Variants in IL1A observed in about 807,000 individuals in gnomAD.
IL1A encodes the protein interleukin 1 alpha.
In IL1A, 16 loss-of-function variants were observed where a neutral mutation model predicts 22.2. That is an observed-to-expected ratio of 0.72 (90% confidence interval 0.49 to 1.09). The LOEUF (loss-of-function observed/expected upper bound fraction) is 1.09, where lower values mean the gene tolerates loss of function less well. IL1A is among the 50% of genes least tolerant of loss of function. The probability of loss-of-function intolerance (pLI) is 0.00; values close to 1 mark genes in which losing one functional copy is unlikely to be tolerated. For synonymous variants in IL1A, 113 were observed against 118.5 expected, an observed-to-expected ratio of 0.95 and a Z score of 0.30; for missense variants, 317 against 321.8, an observed-to-expected ratio of 0.99 and a Z score of 0.11.
At chr2:112,776,498 C>T (rs1681103790) in intron 6 of IL1A, among the ~76,000 whole-genome samples, 1 of 60,426 alleles carries the variant, frequency 1.7e-5, no homozygotes, top group Admixed American at 1.4e-4. Flanking sequence ...AACCACGACC[C>T]GCCCCCTCCT....
intron 2 of IL1A, among the ~76,000 whole-genome samples, chr2:112,783,256 ATATGTTCCGTAATTT>A (rs1681245390): frequency 6.6e-6 from 1 of 152,196 alleles, no homozygotes; most frequent in Non-Finnish European, 1.5e-5. Context: ...TGTTAGTTTA[ATATGTTCCGTAATTT>A]TATCTTTGTG....
At position 112,781,806 on chromosome 2, in the gene IL1A, G is replaced by T; in HGVS notation, c.117C>A (p.Ser39Arg). 1 of 1,613,476 alleles carries T rather than the reference G, an allele frequency of 6.2e-7. No homozygotes were observed. Among genetic ancestry groups the T allele is most frequent in the Non-Finnish European group, 8.5e-7 (1 of 1,179,346 alleles). Residue 39 changes from serine to arginine, a missense_variant, in exon 4 of 7, where the codon AGC becomes AGA. Transcript: ENST00000263339. ...SLNQKSFYHV[S>R]YGPLHEGCMD... ...TGCAGCCTTCATGGAGTGGGCCATA[G>T]CTTACATGATAGAAGGATTTCTGTG... is the stretch of plus-strand genomic sequence containing the variant.
chr2:112,780,232 A>G (rs940083096), intron 4 of IL1A, among the ~76,000 whole-genome samples: 2 of 152,194 alleles, frequency 1.3e-5, no homozygotes, highest in African/African-American at 4.8e-5. Flanking sequence ...AAATGTCCTC[A>G]ATACATTGCT....
intron 5 of IL1A, 22 bp from the exon 6 acceptor site, chr2:112,778,133 A>G (rs369682943): frequency 1.4e-4 from 227 of 1,607,258 alleles, no homozygotes; most frequent in Middle Eastern, 8.3e-4. Context: ...AAGAACCAAA[A>G]AGAAAGTAAA....
chr2:112,782,720 T>A lies in IL1A; in HGVS notation c.92A>T (p.Asn31Ile). ...GAATTACAGTCATTTGCTTACCTGA[T>A]TCAGAGACAGATGATCAATGGAGGA... ...DSSSIDHLSL[N>I]QKSFYHVSYG... The change falls in exon 3 of 7, where the codon AAT (asparagine) becomes ATT (isoleucine). Residue 31 changes from asparagine to isoleucine, a missense_variant. Physicochemically the swap from Asn to Ile is moderately radical, Grantham distance 149. Coordinates refer to ENST00000263339, the MANE Select transcript of IL1A (RefSeq NM_000575.5). 6.2e-7 allele frequency: 1 copy of A among 1,604,508 alleles called. No individual in the cohort carries two copies. Among genetic ancestry groups the A allele is most frequent in the East Asian group, 2.2e-5 (1 of 44,834 alleles).
chr2:112,783,621 C>A (rs1681251641), intron 2 of IL1A, 103 bp downstream of exon 2: 3 of 927,888 alleles, frequency 3.2e-6, no homozygotes, highest in African/African-American at 3.2e-5. Context: ...ATCTCTACAA[C>A]CTCTGCCGGC....
rs3074430 is a variant in IL1A, at chr2:112,778,193, G to GGTGTGTGTGTGTGTGT, written c.491-98_491-83dup. The stretch of plus-strand genomic sequence containing the variant: ...GTGTTGATGTAGATTGTGTGTGCAT[G>GGTGTGTGTGTGTGTGT]GTGTGTGTGTGTGTGTGTGTGTGTG... On this transcript the variant is annotated intron_variant, in intron 5 of 6. Coordinates refer to ENST00000263339, the MANE Select transcript of IL1A (RefSeq NM_000575.5). 128 of 662,742 alleles carry GGTGTGTGTGTGTGTGT rather than the reference G, an allele frequency of 1.9e-4. No individual in the cohort carries two copies. The African/African-American group carries it at 2.4e-3, about 12-fold the overall frequency. 41.1% of individuals were successfully genotyped at this position (662,742 alleles called of 1,614,324 possible). A position where few individuals can be genotyped will look rare whatever the true frequency, so the allele number is the denominator to read the frequency against.
Position 112,778,174 on chromosome 2 carries a change from A to G in IL1A, c.491-63T>C, listed in dbSNP as rs1681132281. The stretch of plus-strand genomic sequence containing the variant: ...TGTATTTGTATAAAATCAAGTGTTG[A>G]TGTAGATTGTGTGTGCATGGTGTGT... On this transcript the variant is annotated intron_variant, in intron 5 of 6. Coordinates refer to ENST00000263339, the MANE Select transcript of IL1A (RefSeq NM_000575.5). The G allele has an allele frequency of 5.1e-6, 7 of 1,382,752 alleles. No homozygotes were observed. The Admixed American group carries it at 1.1e-4, about 21-fold the overall frequency. 85.7% of individuals were successfully genotyped at this position (1,382,752 alleles called of 1,614,324 possible).
At chr2:112,778,193 G>GGGGT (rs372255976) in intron 5 of IL1A, 82 bp from the exon 6 acceptor site, 1 of 631,412 alleles carries the variant, frequency 1.6e-6, no homozygotes, top group African/African-American at 2.0e-5. Context: ...GTGTGTGCAT[G>GGGGT]GTGTGTGTGT....
chr2:112,774,039 A>G lies in IL1A; in HGVS notation c.*1028T>C, dbSNP rs1011331538. The stretch of plus-strand genomic sequence containing the variant: ...TTTTTAGAACCTAGAAGAAACATTG[A>G]TTACATTCCAGAAAAGAAAGTTTTG... On this transcript the variant is annotated 3_prime_UTR_variant, in exon 7 of 7. Coordinates refer to ENST00000263339, the MANE Select transcript of IL1A (RefSeq NM_000575.5). The G allele has an allele frequency of 3.9e-5, 6 of 152,200 alleles. No homozygotes were observed. In the East Asian group the frequency reaches 5.8e-4, roughly 15 times the overall value. 9.4% of individuals were successfully genotyped at this position (152,200 alleles called of 1,614,324 possible).
At position 112,778,023 on chromosome 2, in the gene IL1A, C is replaced by G; in HGVS notation, c.579G>C (p.Val193=). The change falls in exon 6 of 7, where the codon GTG becomes GTC. Residue 193 remains valine (V), a synonymous_variant. Transcript: ENST00000263339. ...ILRISKTQLY[V]TAQDEDQPVL... ...CTGGTTGGTCTTCATCTTGGGCAGT[C>G]ACATACAATTGAGTTTTTGAGATTC... 6.2e-7 allele frequency: 1 copy of G among 1,614,198 alleles called. No individual in the cohort carries two copies. The highest frequency in any genetic ancestry group is 8.5e-7 in the Non-Finnish European group (1 of 1,180,032).
Position 112,781,669 on chromosome 2 carries a change from C to T in IL1A, c.254G>A (p.Arg85Gln), listed in dbSNP as rs3783531. The part of the protein sequence containing the change: ...ATNGKVLKKR[R>Q]LSLSQSITDD... ...AGTGATGGATTGGCTTAAACTCAAC[C>T]GTCTCTTCTTCAGAACCTTCCCGTT... Residue 85 changes from arginine to glutamine, a missense_variant, in exon 4 of 7, where the codon CGG (arginine) becomes CAG (glutamine). Coordinates refer to ENST00000263339, the MANE Select transcript of IL1A (RefSeq NM_000575.5). The T allele has an allele frequency of 2.3e-3, 3,774 of 1,614,206 alleles. 7 individuals are homozygous for T. The highest frequency in any genetic ancestry group is 3.0e-3 in the Non-Finnish European group (3,569 of 1,180,034).
intron 4 of IL1A, among the ~76,000 whole-genome samples, chr2:112,780,763 C>T (rs1489264230): frequency 1.3e-5 from 2 of 152,048 alleles, no homozygotes; most frequent in East Asian, 1.9e-4. Flanking sequence ...ATAGGCCGGG[C>T]GCGGTGGCTC....
At chr2:112,778,165 C>A in intron 5 of IL1A, 54 bp from the exon 6 acceptor site, 2 of 1,474,976 alleles carry the variant, frequency 1.4e-6, no homozygotes, top group South Asian at 2.4e-5. Context: ...TGTATAAAAT[C>A]AAGTGTTGAT....
chr2:112,784,155 T>C (rs1681260980), intron 1 of IL1A, among the ~76,000 whole-genome samples: 1 of 152,202 alleles, frequency 6.6e-6, no homozygotes, highest in Non-Finnish European at 1.5e-5. Flanking sequence ...CCTAATAATT[T>C]TGGATAGTAG....
intron 6 of IL1A, among the ~76,000 whole-genome samples, chr2:112,777,457 G>A (rs767137165): frequency 1.2e-4 from 19 of 152,192 alleles, no homozygotes; most frequent in Non-Finnish European, 2.4e-4. Flanking sequence ...GTGTGTGTGT[G>A]TGTTTGAGGG....
intron 5 of IL1A, 74 bp downstream of exon 5, chr2:112,779,412 TGCAAGCAGAA>T: frequency 8.5e-7 from 1 of 1,175,616 alleles, no homozygotes; most frequent in Non-Finnish European, 1.2e-6. Context: ...GTATGTTTTT[TGCAAGCAGAA>T]AGATTGAAAT....
Position 112,781,835 on chromosome 2 carries a change from A to G in IL1A, c.97-9T>C. ...ACATGATAGAAGGATTTCTGTGAGG[A>G]AGGAAAACAGAAGCTGAGAGGCTGT... On this transcript the variant is annotated splice_polypyrimidine_tract_variant and intron_variant, in intron 3 of 6. Coordinates refer to ENST00000263339, the MANE Select transcript of IL1A (RefSeq NM_000575.5). 3.1e-6 allele frequency: 5 copies of G among 1,594,866 alleles called. No individual in the cohort carries two copies. The highest frequency in any genetic ancestry group is 4.3e-6 in the Non-Finnish European group (5 of 1,162,466).
At chr2:112,782,902 T>G (rs1681239142) in intron 2 of IL1A, 138 bp from the exon 3 acceptor site, 1 of 635,416 alleles carries the variant, frequency 1.6e-6, no homozygotes, top group Admixed American at 2.6e-5. Context: ...TTTAAGGACT[T>G]CTACACATAC....
Sources: gnomAD v4.1 joint callset for allele counts (sites outside exome capture counted in the v4.1 genomes callset) on GRCh38, gnomAD v4.1.1 for gene constraint, MANE v1.5 for transcripts, NCBI Gene and HGNC (gene_info 2026-07-23, HGNC 2026-07-21) for gene names.